Variants in VIT observed in about 807,000 individuals in gnomAD.
VIT encodes the protein vitrin.
A neutral mutation model predicts 78.0 loss-of-function variants in VIT; 99 were observed. The ratio of observed to expected loss-of-function variants is 1.27; its 90% confidence interval spans 1.08 to 1.50. The LOEUF (loss-of-function observed/expected upper bound fraction) is 1.50. Ranked by LOEUF, VIT falls within the 40% of genes most tolerant of loss-of-function variation. The pLI, the probability that VIT is intolerant of heterozygous loss-of-function variation, is 0.00. For synonymous variants in VIT, 374 were observed against 334.3 expected, an observed-to-expected ratio of 1.12 and a Z score of -1.29; for missense variants, 1,126 against 875.3, an observed-to-expected ratio of 1.29 and a Z score of -3.61.
intron 7 of VIT, 26 bp from the exon 8 acceptor site, chr2:36,773,765 C>G: frequency 6.5e-7 from 1 of 1,549,752 alleles, no homozygotes; most frequent in Non-Finnish European, 8.7e-7. Flanking sequence ...AAAATTCATG[C>G]TCTGACCAGT....
chr2:36,774,311 T>A (rs891273888), intron 8 of VIT, among the ~76,000 whole-genome samples: 5 of 152,346 alleles, frequency 3.3e-5, no homozygotes, highest in Non-Finnish European at 7.3e-5. Context: ...GAAATGCCCC[T>A]GGCTGTCTTC....
intron 15 of VIT, 112 bp from the exon 16 acceptor site, chr2:36,814,071 G>T: frequency 7.6e-7 from 1 of 1,311,392 alleles, no homozygotes; most frequent in Non-Finnish European, 1.0e-6. Flanking sequence ...TTTTGTTTGG[G>T]CATATTTCTG....
At chr2:36,768,101 G>C (rs958145335) in intron 7 of VIT, among the ~76,000 whole-genome samples, 1 of 152,162 alleles carries the variant, frequency 6.6e-6, no homozygotes, top group Non-Finnish European at 1.5e-5. Context: ...TCCCATAGCA[G>C]AGGCCAGCTA....
chr2:36,810,632 AT>A lies in VIT; in HGVS notation c.1903+1664del, dbSNP rs35104207. Among the ~76,000 whole-genome samples the A allele has an allele frequency of 8.9e-3, 1,256 of 141,796 alleles. 15 individuals carry two copies. Among genetic ancestry groups the A allele is most frequent in the African/African-American group, 0.025 (985 of 38,698 alleles). 93.0% of individuals were successfully genotyped at this position (141,796 alleles called of 152,430 possible). ...TTGTTATTTCTTCTTCTGTGCCTAA[AT>A]TTTTTTTTTTTTTTTTCTGAGGCAG... On this transcript the variant is annotated intron_variant, in intron 15 of 15. Transcript: ENST00000379242.
intron 1 of VIT, among the ~76,000 whole-genome samples, chr2:36,712,495 A>G (rs1665864924): frequency 6.6e-6 from 1 of 152,144 alleles, no homozygotes; most frequent in South Asian, 2.1e-4. Context: ...ACACTGCTTT[A>G]TTAGTTTTTA....
Position 36,751,326 on chromosome 2 carries a change from G to A in VIT, c.276-3595G>A, listed in dbSNP as rs577970350. On this transcript the variant is annotated intron_variant, in intron 4 of 15. Coordinates refer to ENST00000379242, the MANE Select transcript of VIT (RefSeq NM_053276.4). ...CACAAGAATCGCTTAAACCTGGAAGGCGGAGGTTGCAGTGAGCTGAGATCT... is the reference window on the plus strand; with the variant it reads ...CACAAGAATCGCTTAAACCTGGAAGACGGAGGTTGCAGTGAGCTGAGATCT... Among the ~76,000 whole-genome samples the A allele has an allele frequency of 1.4e-4, 21 of 152,304 alleles. 1 individual carries two copies. The South Asian group carries it at 4.1e-3, about 30-fold the overall frequency.
intron 4 of VIT, among the ~76,000 whole-genome samples, chr2:36,743,811 T>C (rs1029764933): frequency 1.3e-5 from 2 of 152,226 alleles, no homozygotes; most frequent in African/African-American, 2.4e-5. Flanking sequence ...TAATTTTTTT[T>C]TTCAACTCTT....
chr2:36,755,032 G>C lies in VIT; in HGVS notation c.387G>C (p.Trp129Cys), dbSNP rs1420028148. Residue 129 changes from tryptophan to cysteine, a missense_variant, in exon 5 of 16, where the codon TGG becomes TGC. Physicochemically the swap from Trp to Cys is radical, Grantham distance 215. Transcript: ENST00000379242. ...NGVQSLSLPR[W>C]RESFIVLESK... is the part of the protein sequence containing the mutation. ...TCCAATCGTTATCCCTACCACGATG[G>C]AGAGAATCCTTTATCGTCTTAGGTA... is the stretch of plus-strand genomic sequence containing the variant. The C allele has an allele frequency of 3.1e-6, 5 of 1,614,136 alleles. No homozygotes were observed. The highest frequency in any genetic ancestry group is 2.5e-6 in the Non-Finnish European group (3 of 1,180,004).
chr2:36,751,538 A>C lies in VIT; in HGVS notation c.276-3383A>C, dbSNP rs149737167. On this transcript the variant is annotated intron_variant, in intron 4 of 15. Coordinates refer to ENST00000379242, the MANE Select transcript of VIT (RefSeq NM_053276.4). The stretch of plus-strand genomic sequence containing the variant: ...TGCTTAGCGTACAAAGTGAGGACTC[A>C]AGCAAGGTGTAGACTTTACAGTAGT... 2.2e-3 allele frequency among the ~76,000 whole-genome samples: 341 copies of C among 152,350 alleles called. 1 individual carries two copies. The highest frequency in any genetic ancestry group is 7.5e-3 in the African/African-American group (312 of 41,578).
intron 12 of VIT, among the ~76,000 whole-genome samples, chr2:36,798,494 T>C (rs1235781562): frequency 6.6e-6 from 1 of 152,212 alleles, no homozygotes. Context: ...CAGTGGCTCA[T>C]GCCTGTAATC....
At chr2:36,750,894 T>C (rs979097066) in intron 4 of VIT, among the ~76,000 whole-genome samples, 5 of 152,180 alleles carry the variant, frequency 3.3e-5, no homozygotes, top group African/African-American at 1.2e-4. Flanking sequence ...CAGCATCTCA[T>C]CACCCTCATG....
At chr2:36,772,067 A>G (rs572058415) in intron 7 of VIT, among the ~76,000 whole-genome samples, 1 of 152,310 alleles carries the variant, frequency 6.6e-6, no homozygotes, top group Admixed American at 6.5e-5. Flanking sequence ...ATATCATCTT[A>G]TTTTTACAGT....
At chr2:36,710,726 G>A (rs1173936110) in intron 1 of VIT, among the ~76,000 whole-genome samples, 1 of 152,134 alleles carries the variant, frequency 6.6e-6, no homozygotes, top group Admixed American at 6.5e-5. Flanking sequence ...ATTGTTTTAT[G>A]TATCAATCGT....
chr2:36,765,435 A>AGAGAGAGAGAGAG lies in VIT; in HGVS notation c.488-1659_488-1658insGAGAGAGAGAGAG, dbSNP rs1553372934. On this transcript the variant is annotated intron_variant, in intron 6 of 15. Transcript: ENST00000379242. ...CAGGCGAGAGAGAGAGAGAGAGAGA[A>AGAGAGAGAGAGAG]AGAGAGAGAGAGGAAAAACTGCCTT... Among the ~76,000 whole-genome samples the AGAGAGAGAGAGAG allele has an allele frequency of 3.7e-3, 505 of 135,376 alleles. 23 individuals are homozygous for AGAGAGAGAGAGAG. The highest frequency in any genetic ancestry group is 7.6e-3 in the African/African-American group (277 of 36,582). 88.8% of individuals were successfully genotyped at this position (135,376 alleles called of 152,430 possible).
chr2:36,729,759 T>C (rs1667080702), intron 3 of VIT, among the ~76,000 whole-genome samples: 1 of 152,226 alleles, frequency 6.6e-6, no homozygotes, highest in African/African-American at 2.4e-5. Context: ...GGCAACAGTA[T>C]GTCTCTATGG....
intron 8 of VIT, chr2:36,774,755 C>T (rs1413846871): frequency 1.0e-6 from 1 of 985,254 alleles, no homozygotes; most frequent in Non-Finnish European, 1.2e-6. Context: ...ACTCCAAGGC[C>T]ATCTTAGGCC....
intron 1 of VIT, among the ~76,000 whole-genome samples, chr2:36,712,869 G>A (rs1007636475): frequency 6.6e-6 from 1 of 152,190 alleles, no homozygotes; most frequent in African/African-American, 2.4e-5. Context: ...TAATTCAGTA[G>A]TTTCTAATGT....
intron 3 of VIT, among the ~76,000 whole-genome samples, chr2:36,738,391 T>C (rs1031813738): frequency 6.6e-6 from 1 of 152,134 alleles, no homozygotes; most frequent in African/African-American, 2.4e-5. Flanking sequence ...TGAAGACTAA[T>C]GCCTTTTAGG....
At chr2:36,798,904 A>G in intron 12 of VIT, among the ~76,000 whole-genome samples, 1 of 152,158 alleles carries the variant, frequency 6.6e-6, no homozygotes, top group East Asian at 1.9e-4. Flanking sequence ...AGATCAAGAC[A>G]CTTCACACTG....
Sources: allele counts gnomAD v4.1 joint callset (sites outside exome capture counted in the v4.1 genomes callset), GRCh38; gene constraint gnomAD v4.1.1; transcripts MANE v1.5; gene names NCBI Gene and HGNC (gene_info 2026-07-23, HGNC 2026-07-21).